PALM2AKAP2: variants seen among roughly 807,000 people sequenced by gnomAD.
The protein encoded by PALM2AKAP2 is PALM2 and AKAP2 fusion.
In PALM2AKAP2, 37 loss-of-function variants were observed where a neutral mutation model predicts 71.5. That is an observed-to-expected ratio of 0.52 (90% CI 0.40 to 0.68). The LOEUF is 0.68. Ranked by LOEUF, PALM2AKAP2 falls within the 30% of genes least tolerant of loss-of-function variation. The pLI, the probability that PALM2AKAP2 is intolerant of heterozygous loss-of-function variation, is 0.00. For missense variants in PALM2AKAP2, 1,224 were observed against 1,191.8 expected, an observed-to-expected ratio of 1.03 and a Z score of -0.40; for synonymous variants, 468 against 478.8, an observed-to-expected ratio of 0.98 and a Z score of 0.29.
At chr9:110,074,503 A>C (rs1834276407) in intron 1 of PALM2AKAP2, among the ~76,000 whole-genome samples, 1 of 152,172 alleles carries the variant, frequency 6.6e-6, no homozygotes, top group Non-Finnish European at 1.5e-5. Context: ...AATTCCATCA[A>C]TGTTAATTAC....
intron 1 of PALM2AKAP2, among the ~76,000 whole-genome samples, chr9:109,674,141 G>C (rs1374670674): frequency 6.6e-6 from 1 of 151,848 alleles, no homozygotes; most frequent in East Asian, 1.9e-4. Flanking sequence ...TTTGGTTCCA[G>C]ATACTTTAGC....
At chr9:109,926,646 T>C (rs1188630052) in intron 5 of PALM2AKAP2, among the ~76,000 whole-genome samples, 1 of 152,178 alleles carries the variant, frequency 6.6e-6, no homozygotes, top group South Asian at 2.1e-4. Context: ...CACTGACCCA[T>C]GAACACCTAC....
At chr9:109,651,950 T>A (rs531870696) in intron 1 of PALM2AKAP2, among the ~76,000 whole-genome samples, 1 of 152,288 alleles carries the variant, frequency 6.6e-6, no homozygotes, top group Non-Finnish European at 1.5e-5. Flanking sequence ...TGTAAATAGG[T>A]CTTTATAGTA....
At chr9:110,093,865 A>G (rs1234476634) in intron 1 of PALM2AKAP2, among the ~76,000 whole-genome samples, 1 of 152,212 alleles carries the variant, frequency 6.6e-6, no homozygotes, top group Non-Finnish European at 1.5e-5. Flanking sequence ...TTCTTTGATT[A>G]TGCCTCTCTG....
intron 1 of PALM2AKAP2, among the ~76,000 whole-genome samples, chr9:110,097,329 T>G (rs894266054): frequency 2.0e-5 from 3 of 147,868 alleles, no homozygotes; most frequent in Non-Finnish European, 4.5e-5. Context: ...CAGAACAAAA[T>G]GAAAAGTCTC....
At chr9:109,984,556 CA>C (rs1437859053) in intron 6 of PALM2AKAP2, among the ~76,000 whole-genome samples, 1 of 151,690 alleles carries the variant, frequency 6.6e-6, no homozygotes, top group Non-Finnish European at 1.5e-5. Flanking sequence ...GATAAATAAA[CA>C]AAATTTTAGA....
chr9:110,155,835 T>C (rs534568236), intron 2 of PALM2AKAP2, among the ~76,000 whole-genome samples: 1 of 152,238 alleles, frequency 6.6e-6, no homozygotes, highest in Non-Finnish European at 1.5e-5. Flanking sequence ...TCCTCTGCTA[T>C]AGAGGATAGA....
intron 2 of PALM2AKAP2, among the ~76,000 whole-genome samples, chr9:110,148,020 A>T (rs1587860866): frequency 6.6e-6 from 1 of 152,308 alleles, no homozygotes; most frequent in Admixed American, 6.5e-5. Flanking sequence ...CATTAAATGT[A>T]CTGAGTGAAT....
chr9:109,763,341 G>A (rs1308821274), intron 1 of PALM2AKAP2, among the ~76,000 whole-genome samples: 2 of 152,022 alleles, frequency 1.3e-5, no homozygotes, highest in Admixed American at 6.6e-5. Flanking sequence ...CTGAGACCAC[G>A]GGCTATACTA....
intron 2 of PALM2AKAP2, among the ~76,000 whole-genome samples, chr9:109,872,697 T>A (rs1443193146): frequency 6.6e-6 from 1 of 152,226 alleles, no homozygotes; most frequent in Non-Finnish European, 1.5e-5. Flanking sequence ...ATATTTGTTG[T>A]CAACCCACTA....
At chr9:110,005,135 T>C (rs1464208977) in intron 6 of PALM2AKAP2, among the ~76,000 whole-genome samples, 2 of 152,156 alleles carry the variant, frequency 1.3e-5, no homozygotes, top group Non-Finnish European at 2.9e-5. Flanking sequence ...TTCTGCTCTG[T>C]TTTTTCCCCA....
intron 2 of PALM2AKAP2, among the ~76,000 whole-genome samples, chr9:110,154,606 G>A (rs1014784026): frequency 6.6e-6 from 1 of 152,082 alleles, no homozygotes; most frequent in African/African-American, 2.4e-5. Flanking sequence ...TAAAAAATAG[G>A]AACTGTTTCT....
intron 6 of PALM2AKAP2, among the ~76,000 whole-genome samples, chr9:110,002,894 T>G (rs1355697293): frequency 6.6e-6 from 1 of 152,246 alleles, no homozygotes; most frequent in African/African-American, 2.4e-5. Flanking sequence ...TTATAATTTT[T>G]TATTGCGTCT....
chr9:109,996,818 G>A (rs1343233550), intron 6 of PALM2AKAP2, among the ~76,000 whole-genome samples: 1 of 152,230 alleles, frequency 6.6e-6, no homozygotes, highest in Non-Finnish European at 1.5e-5. Flanking sequence ...GCACATGTAT[G>A]TGTGTGGGTT....
intron 3 of PALM2AKAP2, among the ~76,000 whole-genome samples, chr9:110,160,183 C>T (rs1213864458): frequency 6.6e-6 from 1 of 152,186 alleles, no homozygotes; most frequent in African/African-American, 2.4e-5. Flanking sequence ...TGCAGCCCTG[C>T]ACCAGCCACA....
At chr9:109,691,096 A>C (rs1273071498) in intron 1 of PALM2AKAP2, among the ~76,000 whole-genome samples, 2 of 152,010 alleles carry the variant, frequency 1.3e-5, no homozygotes, top group Non-Finnish European at 2.9e-5. Context: ...ACATAATCGC[A>C]GTATAAGATT....
chr9:109,806,140 A>C (rs748328703), intron 1 of PALM2AKAP2, among the ~76,000 whole-genome samples: 10 of 152,240 alleles, frequency 6.6e-5, no homozygotes, highest in Non-Finnish European at 1.3e-4. Flanking sequence ...CAAAATGTGC[A>C]TGTTCCTTAT....
chr9:110,078,208 G>C (rs1056488595), intron 1 of PALM2AKAP2, among the ~76,000 whole-genome samples: 2 of 152,216 alleles, frequency 1.3e-5, no homozygotes, highest in African/African-American at 4.8e-5. Context: ...CACATGGGCT[G>C]TCTTTATCAA....
intron 1 of PALM2AKAP2, among the ~76,000 whole-genome samples, chr9:109,730,852 T>C (rs1828546931): frequency 6.6e-6 from 1 of 152,096 alleles, no homozygotes; most frequent in Non-Finnish European, 1.5e-5. Flanking sequence ...GGTGGAGATG[T>C]CTGCAATCTT....
Sources: allele counts gnomAD v4.1 joint callset (sites outside exome capture counted in the v4.1 genomes callset), GRCh38; gene constraint gnomAD v4.1.1; transcripts MANE v1.5; gene names NCBI Gene and HGNC (gene_info 2026-07-23, HGNC 2026-07-21).